ZNF891: variants seen among roughly 807,000 people sequenced by gnomAD.
ZNF891 encodes the protein hCG1646157.
For synonymous variants in ZNF891, 199 were observed against 209.0 expected (o/e 0.95, Z 0.41); for missense variants, 589 against 632.7 (o/e 0.93, Z 0.74).
chr12:133,106,476 T>G lies in ZNF891; in HGVS notation c.*13808A>C. ...AAAGCCTTCAGCCGGAGCTTTTCCC[T>G]CATTCTACATCAGAGAACTCATACT... On this transcript the variant is annotated 3_prime_UTR_variant, in exon 2 of 2. Coordinates refer to ENST00000537226, the MANE Select transcript of ZNF891 (RefSeq NM_001277291.2). The G allele has an allele frequency of 1.2e-6, 2 of 1,614,128 alleles. No individual in the cohort carries two copies. Among genetic ancestry groups the G allele is most frequent in the Non-Finnish European group, 1.7e-6 (2 of 1,179,996 alleles).
In ZNF891 at chr12:133,111,991, T is replaced by C. The variant is rs996540750; in HGVS notation, c.*8293A>G. On this transcript the variant is annotated 3_prime_UTR_variant, in exon 2 of 2. Coordinates refer to ENST00000537226, the MANE Select transcript of ZNF891 (RefSeq NM_001277291.2). The stretch of plus-strand genomic sequence containing the variant: ...ATCTTTTTAAAACAAATAATTTCAA[T>C]CTCTGAAAAACTTAAATAGTTCCTC... 3 of 152,216 alleles carry C rather than the reference T, an allele frequency of 2.0e-5. No individual in the cohort carries two copies. The highest frequency in any genetic ancestry group is 4.4e-5 in the Non-Finnish European group (3 of 68,036). 9.4% of individuals were successfully genotyped at this position (152,216 alleles called of 1,614,324 possible). A position where few individuals can be genotyped will look rare whatever the true frequency, so the allele number is the denominator to read the frequency against.
chr12:133,120,286 A>C lies in ZNF891; in HGVS notation c.1633T>G (p.Ter545GluextTer3). 1 of 1,528,796 alleles carries C rather than the reference A, an allele frequency of 6.5e-7. No individual in the cohort carries two copies. Among genetic ancestry groups the C allele is most frequent in the Non-Finnish European group, 8.8e-7 (1 of 1,140,066 alleles). The allele number at this position is 1,528,796 out of a possible 1,614,324, so 94.7% of individuals were successfully genotyped here. Residue 545 changes from the stop codon to glutamate, a stop_lost, in exon 2 of 2, where the codon TAA (stop) becomes GAA (glutamate). Coordinates refer to ENST00000537226, the MANE Select transcript of ZNF891 (RefSeq NM_001277291.2). ...KRIHTERETL[*>E] Reference sequence around the variant, plus strand: ...CAGCAATTCCACATTCATAACACTTACAGGGTTTCTCTCTCAGTATGAATT... The same window carrying C: ...CAGCAATTCCACATTCATAACACTTCCAGGGTTTCTCTCTCAGTATGAATT...
rs1045858966 is a variant in ZNF891 at position 133,114,984 on chromosome 12, T to C, written c.*5300A>G. ...AACAATATTATTGATTGCAGTATTG[T>C]TATAAAAACTCTGGAGGCAAATGGA... On this transcript the variant is annotated 3_prime_UTR_variant, in exon 2 of 2. Transcript: ENST00000537226. 1 of 152,172 alleles carries C rather than the reference T, an allele frequency of 6.6e-6. No individual in the cohort carries two copies. The highest frequency in any genetic ancestry group is 1.5e-5 in the Non-Finnish European group (1 of 68,032). The allele number at this position is 152,172 out of a possible 1,614,324, so 9.4% of individuals were successfully genotyped here. A position where few individuals can be genotyped will look rare whatever the true frequency, so the allele number is the denominator to read the frequency against.
At chr12:133,127,762 A>G (rs912432088) in intron 1 of ZNF891, among the ~76,000 whole-genome samples, 7 of 152,226 alleles carry the variant, frequency 4.6e-5, no homozygotes, top group African/African-American at 1.7e-4. Context: ...GCATGCCTAC[A>G]GAGTAACTGA....
intron 1 of ZNF891, among the ~76,000 whole-genome samples, chr12:133,128,762 C>T (rs1955843743): frequency 6.7e-6 from 1 of 148,832 alleles, no homozygotes; most frequent in Non-Finnish European, 1.5e-5. Context: ...CACTGCACTC[C>T]AGCCTGGAGA....
chr12:133,128,956 T>C (rs1178787224), intron 1 of ZNF891, among the ~76,000 whole-genome samples: 14 of 151,658 alleles, frequency 9.2e-5, no homozygotes, highest in Admixed American at 8.5e-4. Flanking sequence ...TGTACACATA[T>C]ACCTTATAGG....
In ZNF891 at chr12:133,108,033, T is replaced by A. The variant is rs1309446115; in HGVS notation, c.*12251A>T. ...TTCTAAATACATTATCAGAAGTGTA[T>A]TTCCTCAAACCTGCCATTGGCATGC... is the stretch of plus-strand genomic sequence containing the variant. On this transcript the variant is annotated 3_prime_UTR_variant, in exon 2 of 2. Coordinates refer to ENST00000537226, the MANE Select transcript of ZNF891 (RefSeq NM_001277291.2). 1 of 152,200 alleles carries A rather than the reference T, an allele frequency of 6.6e-6. No homozygotes were observed. Among genetic ancestry groups the A allele is most frequent in the Non-Finnish European group, 1.5e-5 (1 of 68,024 alleles). 9.4% of individuals were successfully genotyped at this position (152,200 alleles called of 1,614,324 possible).
chr12:133,122,703 G>A (rs7975140), intron 1 of ZNF891, among the ~76,000 whole-genome samples: 51,274 of 151,952 alleles, frequency 0.34, 9,097 homozygotes, highest in African/African-American at 0.42. Flanking sequence ...ACAAACCTGC[G>A]CATTCTGCAC....
Position 133,121,957 on chromosome 12 carries a change from T to TACC in ZNF891, c.-40_-39insGGT. ...AAGCCTGCACAGTAGAGTAGAGAGA[T>TACC]CAGGATGTTTCTGTTCTTGTGTCTC... On this transcript the variant is annotated 5_prime_UTR_variant, in exon 2 of 2. The change abolishes the stop of an existing upstream ORF in the 5' untranslated region. Transcript: ENST00000537226. 1 of 1,467,382 alleles carries TACC rather than the reference T, an allele frequency of 6.8e-7. No individual in the cohort carries two copies. The allele number at this position is 1,467,382 out of a possible 1,614,324, so 90.9% of individuals were successfully genotyped here. A position where few individuals can be genotyped will look rare whatever the true frequency, so the allele number is the denominator to read the frequency against.
rs778959529 is a variant in ZNF891 at position 133,109,859 on chromosome 12, C to CGT, written c.*10424_*10425insAC. 1 of 152,174 alleles carries CGT rather than the reference C, an allele frequency of 6.6e-6. No homozygotes were observed. Among genetic ancestry groups the CGT allele is most frequent in the Non-Finnish European group, 1.5e-5 (1 of 68,036 alleles). The allele number at this position is 152,174 out of a possible 1,614,324, so 9.4% of individuals were successfully genotyped here. On this transcript the variant is annotated 3_prime_UTR_variant, in exon 2 of 2. Transcript: ENST00000537226. ...GCCTTTGAGCTAAGAATGATTTTAA[C>CGT]ATCTTTAAAAAGCTGCTTAGAAAAA...
Position 133,111,072 on chromosome 12 carries a change from T to C in ZNF891, c.*9212A>G, listed in dbSNP as rs1378859416. ...GCAAAGAGAGGTAGCAAAACCTGCC[T>C]ATTGGGTATGATTGATTTGGAAGAA... On this transcript the variant is annotated 3_prime_UTR_variant, in exon 2 of 2. Coordinates refer to ENST00000537226, the MANE Select transcript of ZNF891 (RefSeq NM_001277291.2). 6.6e-6 allele frequency: 1 copy of C among 152,200 alleles called. No individual in the cohort carries two copies. The highest frequency in any genetic ancestry group is 1.5e-5 in the Non-Finnish European group (1 of 68,042). The allele number at this position is 152,200 out of a possible 1,614,324, so 9.4% of individuals were successfully genotyped here. A position where few individuals can be genotyped will look rare whatever the true frequency, so the allele number is the denominator to read the frequency against.
rs1410654740 is a variant in ZNF891, at chr12:133,121,421, C to T, written c.498G>A (p.Lys166=). ...WECHKIRKQH[K]IPGGHWRQMI... ...TTTGCCTCCAATGTCCCCCTGGAAT[C>T]TTATGCTGTTTTCTGATCTTATGGC... Residue 166 remains lysine (K), a synonymous_variant, in exon 2 of 2, where the codon AAG becomes AAA. Coordinates refer to ENST00000537226, the MANE Select transcript of ZNF891 (RefSeq NM_001277291.2). The T allele has an allele frequency of 1.6e-5, 24 of 1,535,980 alleles. No homozygotes were observed. The highest frequency in any genetic ancestry group is 1.9e-5 in the Non-Finnish European group (22 of 1,146,906).
At chr12:133,126,819 A>T (rs1332866728) in intron 1 of ZNF891, among the ~76,000 whole-genome samples, 2 of 152,040 alleles carry the variant, frequency 1.3e-5, no homozygotes, top group Admixed American at 1.3e-4. Flanking sequence ...CTGTTTCAAT[A>T]AATAAATGAA....
intron 1 of ZNF891, among the ~76,000 whole-genome samples, chr12:133,123,544 C>CA (rs1955784815): frequency 6.6e-6 from 1 of 151,896 alleles, no homozygotes; most frequent in African/African-American, 2.4e-5. Context: ...TGGGTCTCTA[C>CA]AAAAAATTTA....
chr12:133,106,509 A>C lies in ZNF891; in HGVS notation c.*13775T>G. On this transcript the variant is annotated 3_prime_UTR_variant, in exon 2 of 2. Coordinates refer to ENST00000537226, the MANE Select transcript of ZNF891 (RefSeq NM_001277291.2). ...CATCAGAGAACTCATACTGGAGAGAAACCCTATGTATGTAAGGTATGCAAC... is the reference window on the plus strand; with the variant it reads ...CATCAGAGAACTCATACTGGAGAGACACCCTATGTATGTAAGGTATGCAAC... 1 of 1,614,124 alleles carries C rather than the reference A, an allele frequency of 6.2e-7. No homozygotes were observed. The highest frequency in any genetic ancestry group is 8.5e-7 in the Non-Finnish European group (1 of 1,180,012).
rs943786992 is a variant in ZNF891 at position 133,106,431 on chromosome 12, A to G, written c.*13853T>C. On this transcript the variant is annotated 3_prime_UTR_variant, in exon 2 of 2. Coordinates refer to ENST00000537226, the MANE Select transcript of ZNF891 (RefSeq NM_001277291.2). ...AAGAGTCACACTGGAGAGAAACCCT[A>G]TGCGTGTGCTGAATGTGATAAAGCC... The G allele has an allele frequency of 1.4e-5, 22 of 1,613,986 alleles. No individual in the cohort carries two copies. The highest frequency in any genetic ancestry group is 1.9e-5 in the Non-Finnish European group (22 of 1,180,026).
Position 133,113,099 on chromosome 12 carries a change from A to G in ZNF891, c.*7185T>C, listed in dbSNP as rs1489751071. 6.8e-6 allele frequency: 1 copy of G among 147,732 alleles called. No individual in the cohort carries two copies. The highest frequency in any genetic ancestry group is 2.4e-5 in the African/African-American group (1 of 40,850). The allele number at this position is 147,732 out of a possible 1,614,324, so 9.2% of individuals were successfully genotyped here. ...ATATATTTATATTTATTTATTAAAAATATATTTATAAAATATAAAAAAATA... is the reference window on the plus strand; with the variant it reads ...ATATATTTATATTTATTTATTAAAAGTATATTTATAAAATATAAAAAAATA... On this transcript the variant is annotated 3_prime_UTR_variant, in exon 2 of 2. Coordinates refer to ENST00000537226, the MANE Select transcript of ZNF891 (RefSeq NM_001277291.2).
intron 1 of ZNF891, among the ~76,000 whole-genome samples, chr12:133,124,247 T>C (rs1955793111): frequency 6.6e-6 from 1 of 152,146 alleles, no homozygotes; most frequent in Non-Finnish European, 1.5e-5. Flanking sequence ...GGATGAACTA[T>C]TTAACAAATG....
Position 133,113,642 on chromosome 12 carries a change from A to T in ZNF891, c.*6642T>A, listed in dbSNP as rs1271252323. The T allele has an allele frequency of 6.6e-6, 1 of 152,238 alleles. No homozygotes were observed. The highest frequency in any genetic ancestry group is 1.5e-5 in the Non-Finnish European group (1 of 68,042). The allele number at this position is 152,238 out of a possible 1,614,324, so 9.4% of individuals were successfully genotyped here. ...AAATCCTTTTATAAAATCTCAGTTT[A>T]AAATTGCTGGGTTTTAAATATTTAA... On this transcript the variant is annotated 3_prime_UTR_variant, in exon 2 of 2. Transcript: ENST00000537226.
Sources: allele counts gnomAD v4.1 joint callset (sites outside exome capture counted in the v4.1 genomes callset), GRCh38; gene constraint gnomAD v4.1.1; transcripts MANE v1.5; gene names NCBI Gene and HGNC (gene_info 2026-07-23, HGNC 2026-07-21).